Variants in ADAMTSL5 observed in about 807,000 individuals in gnomAD.
The protein encoded by ADAMTSL5 is ADAMTS like 5.
In ADAMTSL5, 53 loss-of-function variants were observed where a neutral mutation model predicts 51.7. The ratio of observed to expected loss-of-function variants is 1.03; its 90% confidence interval spans 0.82 to 1.29. The LOEUF is 1.29. Ranked by LOEUF, ADAMTSL5 falls within the 50% of genes most tolerant of loss-of-function variation. ADAMTSL5 has a pLI of 0.00. For synonymous variants in ADAMTSL5, 285 were observed against 278.7 expected (o/e 1.02, Z -0.23); for missense variants, 770 against 676.2 (o/e 1.14, Z -1.54).
intron 1 of ADAMTSL5, among the ~76,000 whole-genome samples, chr19:1,512,511 T>C (rs1392487459): frequency 1.3e-5 from 2 of 152,132 alleles, no homozygotes; most frequent in Non-Finnish European, 2.9e-5. Context: ...TAAAACCCCA[T>C]CTGTACTAAA....
Position 1,508,115 on chromosome 19 carries a change from G to T in ADAMTSL5, c.490-6C>A. 1 of 1,606,004 alleles carries T rather than the reference G, an allele frequency of 6.2e-7. No homozygotes were observed. Among genetic ancestry groups the T allele is most frequent in the Non-Finnish European group, 8.5e-7 (1 of 1,176,674 alleles). ...AACCCATCACAGCCGGCGCTCTAAA[G>T]GGTGAAGGACAGGCGCGGCGTCACT... On this transcript the variant is annotated splice_region_variant and splice_polypyrimidine_tract_variant and intron_variant, in intron 6 of 11. Coordinates refer to ENST00000330475, the MANE Select transcript of ADAMTSL5 (RefSeq NM_213604.3).
chr19:1,507,582 C>T lies in ADAMTSL5; in HGVS notation c.663G>A (p.Val221=), dbSNP rs763253046. ...CCAGGTGGTTGCGGCTCCTGTGTTCCACGCGGATGTGTCTGGCGCCCTCGG... is the reference window on the plus strand; with the variant it reads ...CCAGGTGGTTGCGGCTCCTGTGTTCTACGCGGATGTGTCTGGCGCCCTCGG... ...LIPEGARHIR[V]EHRSRNHLAL... is the part of the protein sequence containing the mutation. Residue 221 remains valine (V), a synonymous_variant, in exon 8 of 12, where the codon GTG becomes GTA. Transcript: ENST00000330475. 7 of 1,613,418 alleles carry T rather than the reference C, an allele frequency of 4.3e-6. No individual in the cohort carries two copies. In the Admixed American group the frequency reaches 1.2e-4, roughly 27 times the overall value.
In ADAMTSL5 at chr19:1,506,583, G is replaced by T. The variant is rs201501773; in HGVS notation, c.1114+7C>A. On this transcript the variant is annotated splice_region_variant and intron_variant, in intron 11 of 11. Transcript: ENST00000330475. This position sits in a 1 kb window ranked among gnomAD's most constrained non-coding sequence, Gnocchi z 5.6. ...GGCTAAGTCAGGGTAGAGGTCGGGG[G>T]TCTCACCAAAGTCACTGCCGCAATA... The T allele has an allele frequency of 3.1e-4, 497 of 1,610,834 alleles. 5 individuals carry two copies. The highest frequency in any genetic ancestry group is 1.7e-4 in the Admixed American group (10 of 59,508).
At chr19:1,508,605 C>G (rs767791144) in intron 5 of ADAMTSL5, 35 bp from the exon 6 acceptor site, 8 of 1,481,574 alleles carry the variant, frequency 5.4e-6, no homozygotes, top group Admixed American at 2.2e-5. Flanking sequence ...CCGGGGACCC[C>G]TGTTCGAGCT....
intron 9 of ADAMTSL5, 73 bp from the exon 10 acceptor site, chr19:1,507,001 C>T: frequency 6.9e-6 from 10 of 1,441,908 alleles, no homozygotes; most frequent in Non-Finnish European, 9.3e-6. Context: ...CCCTACGACC[C>T]CAGCCTCCCC....
intron 7 of ADAMTSL5, 136 bp from the exon 8 acceptor site, chr19:1,507,779 G>C (rs1168046461): frequency 9.7e-7 from 1 of 1,034,514 alleles, no homozygotes; most frequent in Admixed American, 2.1e-5. Flanking sequence ...GTAAACGTTT[G>C]GAGTTACAAT....
chr19:1,506,755 G>T lies in ADAMTSL5; in HGVS notation c.1026C>A (p.Thr342=). ...PAAPAVTPAQ[T]PTLAPDPCPP... ...CCACCTCACCTGGGGCCAGCGTTGG[G>T]GTCTGTGCAGGGGTGACAGCAGGGG... Residue 342 remains threonine, a synonymous_variant, in exon 10 of 12, where the codon ACC becomes ACA. Coordinates refer to ENST00000330475, the MANE Select transcript of ADAMTSL5 (RefSeq NM_213604.3). The surrounding 1 kb of genome is among the most constrained non-coding windows in gnomAD (Gnocchi z 5.6). 6.4e-7 allele frequency: 1 copy of T among 1,556,078 alleles called. No individual in the cohort carries two copies.
intron 5 of ADAMTSL5, 30 bp from the exon 6 acceptor site, chr19:1,508,600 G>A (rs774642581): frequency 4.0e-6 from 6 of 1,493,248 alleles, no homozygotes; most frequent in Middle Eastern, 1.7e-4. Context: ...GTGGGCCGGG[G>A]ACCCCTGTTC....
At chr19:1,510,035 C>T (rs937223487) in intron 5 of ADAMTSL5, 115 bp downstream of exon 5, 87 of 825,204 alleles carry the variant, frequency 1.1e-4, no homozygotes, top group Non-Finnish European at 1.6e-4. Context: ...ACATATCCTT[C>T]AAAGCCCTAG....
In ADAMTSL5 at chr19:1,506,533, G is replaced by A; in HGVS notation, c.1114+57C>T. On this transcript the variant is annotated intron_variant, in intron 11 of 11. Transcript: ENST00000330475. The surrounding 1 kb of genome is among the most constrained non-coding windows in gnomAD (Gnocchi z 5.6). Reference sequence around the variant, plus strand: ...GGGTAAAGTCAGATTAGGGTCAGAGGTCAGGAGGAGGCCAGGTTAGTAGGG... The same window carrying A: ...GGGTAAAGTCAGATTAGGGTCAGAGATCAGGAGGAGGCCAGGTTAGTAGGG... The A allele has an allele frequency of 1.3e-6, 2 of 1,571,878 alleles. No homozygotes were observed. Among genetic ancestry groups the A allele is most frequent in the South Asian group, 2.3e-5 (2 of 87,010 alleles).
chr19:1,506,323 A>C lies in ADAMTSL5; in HGVS notation c.1115-7T>G, dbSNP rs1028007310. 4 of 1,544,284 alleles carry C rather than the reference A, an allele frequency of 2.6e-6. No individual in the cohort carries two copies. Among genetic ancestry groups the C allele is most frequent in the African/African-American group, 2.7e-5 (2 of 73,318 alleles). The stretch of plus-strand genomic sequence containing the variant: ...AGCACTCGGGCCTGGAACACTGTTG[A>C]GGGGACGTGCTAAGCTGGCTGGCTG... On this transcript the variant is annotated splice_polypyrimidine_tract_variant and splice_region_variant and intron_variant, in intron 11 of 11. Coordinates refer to ENST00000330475, the MANE Select transcript of ADAMTSL5 (RefSeq NM_213604.3). This position sits in a 1 kb window ranked among gnomAD's most constrained non-coding sequence, Gnocchi z 5.6.
intron 2 of ADAMTSL5, 34 bp downstream of exon 2, chr19:1,510,811 A>T (rs1913227275): frequency 6.6e-7 from 1 of 1,507,452 alleles, no homozygotes; most frequent in African/African-American, 1.4e-5. Flanking sequence ...CCCCATTCCC[A>T]CTCGCCACCC....
rs778348619 is a variant in ADAMTSL5, at chr19:1,511,171, T to C, written c.-217-11A>G. The C allele has an allele frequency of 3.1e-6, 1 of 320,316 alleles. No individual in the cohort carries two copies. The highest frequency in any genetic ancestry group is 4.4e-5 in the East Asian group (1 of 22,816). 19.8% of individuals were successfully genotyped at this position (320,316 alleles called of 1,614,324 possible). ...AACTCAGAATGTCATCTGCAATTAT[T>C]ATTGTTGTTAGTTAGTTTGTTTTTG... On this transcript the variant is annotated splice_polypyrimidine_tract_variant and intron_variant, in intron 1 of 11. Coordinates refer to ENST00000330475, the MANE Select transcript of ADAMTSL5 (RefSeq NM_213604.3).
At chr19:1,510,507 C>A in intron 3 of ADAMTSL5, 79 bp from the exon 4 acceptor site, 1 of 1,515,060 alleles carries the variant, frequency 6.6e-7, no homozygotes, top group South Asian at 1.2e-5. Flanking sequence ...CCCCCGCCAA[C>A]CCCACCCGCA....
At chr19:1,511,690 G>A (rs1445527871) in intron 1 of ADAMTSL5, 1 of 795,762 alleles carries the variant, frequency 1.3e-6, no homozygotes, top group South Asian at 1.4e-5. Flanking sequence ...TCTGTGCAGT[G>A]GGGGCCAAGT....
In ADAMTSL5 at chr19:1,508,278, G is replaced by T; in HGVS notation, c.489+165C>A. The T allele has an allele frequency of 3.4e-6, 4 of 1,178,848 alleles. No homozygotes were observed. The Admixed American group carries it at 8.5e-5, about 25-fold the overall frequency. 73.0% of individuals were successfully genotyped at this position (1,178,848 alleles called of 1,614,324 possible). On this transcript the variant is annotated intron_variant, in intron 6 of 11. Coordinates refer to ENST00000330475, the MANE Select transcript of ADAMTSL5 (RefSeq NM_213604.3). The stretch of plus-strand genomic sequence containing the variant: ...GGATGGGCTTGGCGCCCGGGAGTGG[G>T]TGCCTAAGGGGGGCTGGGGGCAGGG...
At chr19:1,507,097 C>A in intron 9 of ADAMTSL5, 145 bp downstream of exon 9, 2 of 1,232,774 alleles carry the variant, frequency 1.6e-6, no homozygotes, top group Admixed American at 2.9e-5. Context: ...ACCCTCCCCC[C>A]TCTGATGCTC....
Position 1,510,884 on chromosome 19 carries a change from C to T in ADAMTSL5, c.60G>A (p.Leu20=). 1 of 1,528,508 alleles carries T rather than the reference C, an allele frequency of 6.5e-7. No individual in the cohort carries two copies. The highest frequency in any genetic ancestry group is 8.7e-7 in the Non-Finnish European group (1 of 1,146,014). 94.7% of individuals were successfully genotyped at this position (1,528,508 alleles called of 1,614,324 possible). The change falls in exon 2 of 12, where the codon CTG becomes CTA. Residue 20 remains leucine (L), a synonymous_variant. Coordinates refer to ENST00000330475, the MANE Select transcript of ADAMTSL5 (RefSeq NM_213604.3). ...CCAAACCACAGTTCAGCAGGGCCCA[C>T]AGGAAGAGCAGGAGGTTCTGGAAGA... ...PHLFQNLLLF[L]WALLNCGLGV...
intron 5 of ADAMTSL5, 167 bp from the exon 6 acceptor site, chr19:1,508,737 G>A (rs1432802045): frequency 7.8e-6 from 7 of 901,596 alleles, no homozygotes; most frequent in South Asian, 2.3e-5. Flanking sequence ...TAGGTGCTCT[G>A]CGTCCAGCAA....
Sources: allele counts gnomAD v4.1 joint callset (sites outside exome capture counted in the v4.1 genomes callset), GRCh38; gene constraint gnomAD v4.1.1; non-coding constraint Gnocchi (gnomAD v3.1); transcripts MANE v1.5; gene names NCBI Gene and HGNC (gene_info 2026-07-23, HGNC 2026-07-21).